Variants in PIK3R1 observed in about 807,000 individuals in gnomAD.
PIK3R1 encodes the protein phosphatidylinositol 3-kinase regulatory subunit alpha.
PIK3R1 carries 29 observed loss-of-function variants against 98.0 expected under a neutral mutation model. The observed-to-expected ratio is 0.30, with a 90% confidence interval of 0.22 to 0.40. The LOEUF (loss-of-function observed/expected upper bound fraction) is 0.40, where lower values mean the gene tolerates loss of function less well. Among genes scored for constraint, PIK3R1 ranks in the 10% least tolerant of loss-of-function variants. PIK3R1 has a pLI of 1.00. For synonymous variants in PIK3R1, 282 were observed against 311.8 expected (o/e 0.90, Z 1.01); for missense variants, 596 against 872.7 (o/e 0.68, Z 3.99).
At chr5:68,268,025 C>A (rs1746195129) in intron 2 of PIK3R1, among the ~76,000 whole-genome samples, 1 of 152,110 alleles carries the variant, frequency 6.6e-6, no homozygotes, top group Admixed American at 6.6e-5. Flanking sequence ...CTAATTCTAA[C>A]AATAATAACT....
intron 2 of PIK3R1, among the ~76,000 whole-genome samples, chr5:68,228,638 C>A (rs1045413898): frequency 6.6e-6 from 1 of 152,022 alleles, no homozygotes; most frequent in South Asian, 2.1e-4. Flanking sequence ...GTTAAAAACG[C>A]TTTCTTCAGT....
At chr5:68,220,149 A>G (rs1439922666) in intron 1 of PIK3R1, among the ~76,000 whole-genome samples, 1 of 152,176 alleles carries the variant, frequency 6.6e-6, no homozygotes, top group Non-Finnish European at 1.5e-5. Flanking sequence ...TAGCTGTCTC[A>G]CAGATGATAA....
intron 2 of PIK3R1, among the ~76,000 whole-genome samples, chr5:68,272,406 A>C (rs1746400662): frequency 6.6e-6 from 1 of 152,206 alleles, no homozygotes; most frequent in Non-Finnish European, 1.5e-5. Flanking sequence ...ACTGCAAGCA[A>C]TGAGGCTAAT....
chr5:68,265,986 T>C (rs1304085468), intron 2 of PIK3R1, among the ~76,000 whole-genome samples: 5 of 152,236 alleles, frequency 3.3e-5, no homozygotes, highest in African/African-American at 1.2e-4. Context: ...TTGTTCGGTC[T>C]GGCTGGACAA....
intron 7 of PIK3R1, among the ~76,000 whole-genome samples, chr5:68,282,748 G>A (rs1036776571): frequency 2.6e-5 from 4 of 152,202 alleles, no homozygotes; most frequent in African/African-American, 9.7e-5. Flanking sequence ...CTGTTTCAAA[G>A]GAGGATTAGT....
intron 4 of PIK3R1, among the ~76,000 whole-genome samples, chr5:68,276,295 C>G (rs1226593991): frequency 1.3e-5 from 2 of 152,328 alleles, no homozygotes; most frequent in South Asian, 2.1e-4. Context: ...TCCCTAACCT[C>G]TACCCATGAG....
intron 2 of PIK3R1, among the ~76,000 whole-genome samples, chr5:68,236,121 T>A (rs1744656907): frequency 6.6e-6 from 1 of 151,964 alleles, no homozygotes; most frequent in African/African-American, 2.4e-5. Flanking sequence ...TCCACCCACC[T>A]CGGCCTCCTA....
intron 2 of PIK3R1, among the ~76,000 whole-genome samples, chr5:68,240,438 T>C (rs1744831046): frequency 6.6e-6 from 1 of 152,248 alleles, no homozygotes; most frequent in South Asian, 2.1e-4. Context: ...TTAAACATAT[T>C]GGAGCATAAA....
chr5:68,256,848 T>C (rs1297922762), intron 2 of PIK3R1, among the ~76,000 whole-genome samples: 5 of 152,200 alleles, frequency 3.3e-5, no homozygotes, highest in South Asian at 2.1e-4. Context: ...CCTAGCCCTA[T>C]TGAAGAAGGT....
chr5:68,234,363 A>G (rs988254069), intron 2 of PIK3R1, among the ~76,000 whole-genome samples: 4 of 152,220 alleles, frequency 2.6e-5, no homozygotes, highest in African/African-American at 4.8e-5. Flanking sequence ...GAATAAGGGA[A>G]TGTAGTGAGA....
Position 68,280,114 on chromosome 5 carries a change from G to C in PIK3R1, c.634+381G>C, listed in dbSNP as rs1009717614. The C allele has an allele frequency of 3.6e-5, 11 of 307,726 alleles. No homozygotes were observed. In the Admixed American group the frequency reaches 5.1e-4, roughly 14 times the overall value. The allele number at this position is 307,726 out of a possible 1,614,324, so 19.1% of individuals were successfully genotyped here. A position where few individuals can be genotyped will look rare whatever the true frequency, so the allele number is the denominator to read the frequency against. ...GAGTGGCCATAACAGAATGTGTTGA[G>C]GGAAGATGGCTCTCAGTTTTAGGAG... On this transcript the variant is annotated intron_variant, in intron 5 of 15. Transcript: ENST00000521381.
chr5:68,260,613 C>G (rs1164123295), intron 2 of PIK3R1, among the ~76,000 whole-genome samples: 1 of 152,108 alleles, frequency 6.6e-6, no homozygotes, highest in Non-Finnish European at 1.5e-5. Context: ...TTGGTGTAGT[C>G]ACCAAACCTC....
chr5:68,288,111 TGTTTGGCTGTGCATA>T (rs1747154550), intron 7 of PIK3R1, among the ~76,000 whole-genome samples: 1 of 152,120 alleles, frequency 6.6e-6, no homozygotes, highest in South Asian at 2.1e-4. Flanking sequence ...CCACTTCCTG[TGTTTGGCTGTGCATA>T]GTGCCTCGCT....
chr5:68,243,737 T>G (rs1360465282), intron 2 of PIK3R1, among the ~76,000 whole-genome samples: 1 of 152,130 alleles, frequency 6.6e-6, no homozygotes, highest in African/African-American at 2.4e-5. Context: ...CTCAGTTAAT[T>G]TTGGTGGATC....
At chr5:68,292,207 T>G (rs890552892) in intron 7 of PIK3R1, 52 bp from the exon 8 acceptor site, 1 of 1,088,128 alleles carries the variant, frequency 9.2e-7, no homozygotes, top group South Asian at 1.3e-5. Flanking sequence ...CTAAAGAAAT[T>G]TAGTTCTAAT....
At chr5:68,257,318 G>A (rs187419060) in intron 2 of PIK3R1, among the ~76,000 whole-genome samples, 6 of 152,348 alleles carry the variant, frequency 3.9e-5, no homozygotes, top group Admixed American at 3.9e-4. Context: ...TAACCATGGA[G>A]GAGTAACCCA....
chr5:68,227,234 C>G (rs1005781478), intron 2 of PIK3R1, among the ~76,000 whole-genome samples: 1 of 152,166 alleles, frequency 6.6e-6, no homozygotes, highest in African/African-American at 2.4e-5. Flanking sequence ...ATCCGAGAAC[C>G]TGTTTAGTGA....
rs2090546776 is a variant in PIK3R1, at chr5:68,294,526, T to C, written c.1426-10T>C. On this transcript the variant is annotated splice_polypyrimidine_tract_variant and intron_variant, in intron 11 of 15. Coordinates refer to ENST00000521381, the MANE Select transcript of PIK3R1 (RefSeq NM_181523.3). ...AGGTATGACATTATCTTTTTAAAATTATGTTGCAGGAAATCCAAATGAAAA... is the reference window on the plus strand; with the variant it reads ...AGGTATGACATTATCTTTTTAAAATCATGTTGCAGGAAATCCAAATGAAAA... 3 of 1,592,282 alleles carry C rather than the reference T, an allele frequency of 1.9e-6. No individual in the cohort carries two copies. Among genetic ancestry groups the C allele is most frequent in the Non-Finnish European group, 2.6e-6 (3 of 1,168,040 alleles).
chr5:68,224,013 C>T (rs965163874), intron 1 of PIK3R1, among the ~76,000 whole-genome samples: 7 of 152,302 alleles, frequency 4.6e-5, no homozygotes, highest in African/African-American at 1.4e-4. Context: ...TAGGAAGCAG[C>T]TGGCATAAAG....
Sources: allele counts gnomAD v4.1 joint callset (sites outside exome capture counted in the v4.1 genomes callset), GRCh38; gene constraint gnomAD v4.1.1; transcripts MANE v1.5; gene names NCBI Gene and HGNC (gene_info 2026-07-23, HGNC 2026-07-21).